The following ALDH1A1 variants were observed in gnomAD, a reference collection of about 807,000 sequenced individuals.
ALDH1A1 encodes aldehyde dehydrogenase 1 family member A1, also known as aldehyde dehydrogenase 1A1.
ALDH1A1 carries 19 observed loss-of-function variants against 62.1 expected under a neutral mutation model. The observed-to-expected ratio is 0.31, with a 90% CI of 0.21 to 0.45. The LOEUF (loss-of-function observed/expected upper bound fraction) is 0.45, where lower values mean the gene tolerates loss of function less well. ALDH1A1 is among the 20% of genes least tolerant of loss of function. ALDH1A1 has a pLI of 1.00. For missense variants in ALDH1A1, 521 were observed against 607.1 expected (o/e 0.86, Z 1.49); for synonymous variants, 231 against 215.9 (o/e 1.07, Z -0.61).
chr9:72,949,646 ATT>A (rs1830514433), intron 1 of ALDH1A1, among the ~76,000 whole-genome samples: 1 of 99,144 alleles, frequency 1.0e-5, no homozygotes, highest in African/African-American at 7.6e-5. Flanking sequence ...ATAATTATTT[ATT>A]GTGTGTGTGT....
At chr9:72,940,483 A>G (rs1830402928) in intron 1 of ALDH1A1, among the ~76,000 whole-genome samples, 1 of 152,190 alleles carries the variant, frequency 6.6e-6, no homozygotes, top group African/African-American at 2.4e-5. Flanking sequence ...TCAACACTAG[A>G]AAATACATAC....
At chr9:72,935,863 GTAATTTAC>G (rs1830340871) in intron 2 of ALDH1A1, among the ~76,000 whole-genome samples, 1 of 152,120 alleles carries the variant, frequency 6.6e-6, no homozygotes, top group Non-Finnish European at 1.5e-5. Flanking sequence ...CTGTGACTAT[GTAATTTAC>G]TAGATTTGTA....
intron 7 of ALDH1A1, among the ~76,000 whole-genome samples, chr9:72,923,153 C>A (rs959154211): frequency 6.6e-6 from 1 of 152,272 alleles, no homozygotes; most frequent in Non-Finnish European, 1.5e-5. Flanking sequence ...CCCATTTGGA[C>A]ATCATCATTC....
chr9:72,902,015 T>C (rs1253428350), intron 12 of ALDH1A1, among the ~76,000 whole-genome samples: 2 of 152,092 alleles, frequency 1.3e-5, no homozygotes, highest in Non-Finnish European at 2.9e-5. Context: ...TAGATTGGTC[T>C]AAATTCAGGC....
intron 1 of ALDH1A1, 56 bp downstream of exon 1, chr9:72,952,879 C>G (rs1830558985): frequency 6.3e-7 from 1 of 1,595,374 alleles, no homozygotes; most frequent in Admixed American, 1.7e-5. Context: ...TAATGCTTTA[C>G]ATAAATGCAG....
In ALDH1A1 at chr9:72,924,151, A is replaced by G; in HGVS notation, c.634-19T>C. ...ACCCTGCCTAAAAGATAAAAAGTTT[A>G]AAAGTTACAGTATAAGAATTTAATT... On this transcript the variant is annotated intron_variant, in intron 6 of 12. Transcript: ENST00000297785. 6.4e-7 allele frequency: 1 copy of G among 1,554,078 alleles called. No homozygotes were observed. Among genetic ancestry groups the G allele is most frequent in the Non-Finnish European group, 8.8e-7 (1 of 1,135,640 alleles).
At chr9:72,938,627 A>G (rs1830375402) in intron 2 of ALDH1A1, among the ~76,000 whole-genome samples, 1 of 152,062 alleles carries the variant, frequency 6.6e-6, no homozygotes, top group South Asian at 2.1e-4. Flanking sequence ...TTGTATTTTC[A>G]GTAGAGACGA....
chr9:72,918,993 T>C (rs1033605687), intron 7 of ALDH1A1, among the ~76,000 whole-genome samples, 171 bp from the exon 8 acceptor site: 2 of 152,020 alleles, frequency 1.3e-5, no homozygotes, highest in African/African-American at 4.8e-5. Flanking sequence ...TGGGCTGGAG[T>C]GCAGTGGCGC....
At chr9:72,909,823 G>T (rs8187977) in intron 10 of ALDH1A1, 64 bp from the exon 11 acceptor site, 2 of 1,395,796 alleles carry the variant, frequency 1.4e-6, no homozygotes, top group Non-Finnish European at 1.9e-6. Flanking sequence ...AAATGATATC[G>T]TAGATTTTTT....
At chr9:72,920,541 C>T (rs1392572110) in intron 7 of ALDH1A1, among the ~76,000 whole-genome samples, 5 of 151,964 alleles carry the variant, frequency 3.3e-5, no homozygotes, top group Admixed American at 6.6e-5. Flanking sequence ...TAACTTTTGC[C>T]TTGGAGAAGG....
intron 9 of ALDH1A1, among the ~76,000 whole-genome samples, chr9:72,912,904 G>A (rs944603219): frequency 6.6e-6 from 1 of 152,146 alleles, no homozygotes; most frequent in Admixed American, 6.6e-5. Flanking sequence ...GAAATCTGGG[G>A]CTAATTTTTG....
At chr9:72,952,799 T>G in intron 1 of ALDH1A1, 136 bp downstream of exon 1, 1 of 873,676 alleles carries the variant, frequency 1.1e-6, no homozygotes. Context: ...AACTGAGACC[T>G]GCATTTTGCA....
intron 12 of ALDH1A1, among the ~76,000 whole-genome samples, chr9:72,903,437 T>C (rs1026965140): frequency 4.6e-5 from 7 of 152,036 alleles, no homozygotes; most frequent in Non-Finnish European, 7.4e-5. Flanking sequence ...CAATTCTCTC[T>C]ATTGTTGAGG....
At chr9:72,908,583 GAAAGAAAGAAAGAA>G (rs1564622722) in intron 11 of ALDH1A1, among the ~76,000 whole-genome samples, 3 of 129,100 alleles carry the variant, frequency 2.3e-5, no homozygotes, top group African/African-American at 8.9e-5. Flanking sequence ...AAGAAAGAAA[GAAAGAAAGAAAGAA>G]AGAAAGAAAG....
In ALDH1A1 at chr9:72,930,983, C is replaced by A; in HGVS notation, c.208G>T (p.Ala70Ser). 6.2e-7 allele frequency: 1 copy of A among 1,614,014 alleles called. No individual in the cohort carries two copies. ...VDKAVKAARQ[A>S]FQIGSPWRTM... ...CGCCACGGGGATCCAATCTGAAAAG[C>A]CTGTCTTGCGGCCTTCACTGCCTTG... The change falls in exon 3 of 13, where the codon GCT (alanine) becomes TCT (serine). Residue 70 changes from alanine to serine, a missense_variant. Physicochemically the swap from Ala to Ser is moderately conservative, Grantham distance 99 (BLOSUM62 1). Coordinates refer to ENST00000297785, the MANE Select transcript of ALDH1A1 (RefSeq NM_000689.5).
chr9:72,912,125 A>G lies in ALDH1A1; in HGVS notation c.1036-3T>C. 1 of 1,607,836 alleles carries G rather than the reference A, an allele frequency of 6.2e-7. No individual in the cohort carries two copies. Among genetic ancestry groups the G allele is most frequent in the Non-Finnish European group, 8.5e-7 (1 of 1,176,500 alleles). ...TTATCATATTGTTCCTTGTCAATCT[A>G]TTTGAAAAATATCACATGAAAAGAA... On this transcript the variant is annotated splice_region_variant and splice_polypyrimidine_tract_variant and intron_variant, in intron 9 of 12. Coordinates refer to ENST00000297785, the MANE Select transcript of ALDH1A1 (RefSeq NM_000689.5).
intron 3 of ALDH1A1, 35 bp downstream of exon 3, chr9:72,930,844 G>A (rs766368368): frequency 6.2e-7 from 1 of 1,612,846 alleles, no homozygotes; most frequent in East Asian, 2.2e-5. Context: ...GCTTTTGAGA[G>A]CTCTAGCTAC....
At chr9:72,941,638 TAACTTAATTG>T (rs1294148716) in intron 1 of ALDH1A1, among the ~76,000 whole-genome samples, 3 of 152,090 alleles carry the variant, frequency 2.0e-5, no homozygotes, top group Non-Finnish European at 4.4e-5. Context: ...CTTGAATAAC[TAACTTAATTG>T]AATCAAAGAT....
At chr9:72,921,625 TA>T (rs1830147484) in intron 7 of ALDH1A1, among the ~76,000 whole-genome samples, 1 of 146,756 alleles carries the variant, frequency 6.8e-6, no homozygotes, top group Admixed American at 6.8e-5. Flanking sequence ...CTGCACCCAC[TA>T]ATGTGTCATC....
Sources: gnomAD v4.1 joint callset for allele counts (sites outside exome capture counted in the v4.1 genomes callset) on GRCh38, gnomAD v4.1.1 for gene constraint, MANE v1.5 for transcripts, NCBI Gene and HGNC (gene_info 2026-07-23, HGNC 2026-07-21) for gene names.